Variants in NTM observed in about 807,000 individuals in gnomAD.
NTM encodes the protein IgLON family member 2.
NTM carries 13 observed loss-of-function variants against 42.1 expected under a neutral mutation model. The ratio of observed to expected loss-of-function variants is 0.31; its 90% CI spans 0.20 to 0.49. NTM has a LOEUF of 0.49. NTM is among the 20% of genes least tolerant of loss of function. The pLI, the probability that NTM is intolerant of heterozygous loss-of-function variation, is 0.99. For missense variants in NTM, 373 were observed against 452.8 expected, an observed-to-expected ratio of 0.82 and a Z score of 1.60; for synonymous variants, 187 against 179.2, an observed-to-expected ratio of 1.04 and a Z score of -0.35.
intron 1 of NTM, among the ~76,000 whole-genome samples, chr11:131,430,781 G>A (rs970476090): frequency 9.2e-5 from 14 of 152,182 alleles, no homozygotes; most frequent in Non-Finnish European, 2.1e-4. Flanking sequence ...CTCTGTTGGA[G>A]GGTCTCCCTG....
intron 2 of NTM, among the ~76,000 whole-genome samples, chr11:132,025,903 A>G (rs1452377468): frequency 2.6e-5 from 4 of 152,156 alleles, no homozygotes; most frequent in African/African-American, 9.7e-5. Context: ...GCAACCTCCC[A>G]GCTTTGCATA....
intron 1 of NTM, among the ~76,000 whole-genome samples, chr11:131,599,527 G>A (rs1321790198): frequency 6.6e-6 from 1 of 152,210 alleles, no homozygotes; most frequent in Non-Finnish European, 1.5e-5. Flanking sequence ...GTTAACAGCT[G>A]CTTTAGAGAG....
At chr11:131,504,514 AC>A (rs1336505871) in intron 1 of NTM, among the ~76,000 whole-genome samples, 1 of 152,084 alleles carries the variant, frequency 6.6e-6, no homozygotes, top group Non-Finnish European at 1.5e-5. Flanking sequence ...AGCACACCAT[AC>A]CACCCGTTTC....
chr11:132,209,205 C>A (rs368069897), intron 3 of NTM, among the ~76,000 whole-genome samples: 71 of 152,358 alleles, frequency 4.7e-4, no homozygotes, highest in African/African-American at 1.5e-3. Flanking sequence ...AATGCTCAGT[C>A]ATTAACTCAT....
chr11:132,150,041 C>T (rs1035804336), intron 3 of NTM, among the ~76,000 whole-genome samples: 63 of 152,278 alleles, frequency 4.1e-4, no homozygotes, highest in African/African-American at 1.5e-3. Flanking sequence ...GTTTATTTGG[C>T]TCATGGTTCT....
chr11:131,569,611 T>A (rs2057262613), intron 1 of NTM, among the ~76,000 whole-genome samples: 1 of 148,190 alleles, frequency 6.7e-6, no homozygotes, highest in Admixed American at 6.8e-5. Context: ...AGGGTTTTAC[T>A]CTGTTGCCCA....
chr11:132,018,773 G>A (rs964089479), intron 2 of NTM, among the ~76,000 whole-genome samples: 3 of 151,914 alleles, frequency 2.0e-5, no homozygotes, highest in African/African-American at 7.2e-5. Flanking sequence ...CTATATTTTG[G>A]AAGAGTTTGT....
chr11:131,471,851 C>T, intron 1 of NTM, among the ~76,000 whole-genome samples: 1 of 152,152 alleles, frequency 6.6e-6, no homozygotes, highest in East Asian at 1.9e-4. Flanking sequence ...TGTCTTTCCA[C>T]CCTGAGTGTT....
intron 1 of NTM, among the ~76,000 whole-genome samples, chr11:131,812,791 G>A (rs930887413): frequency 3.9e-5 from 6 of 152,150 alleles, no homozygotes; most frequent in African/African-American, 1.4e-4. Context: ...GAAGATGACT[G>A]CAAGGAAAGA....
intron 1 of NTM, among the ~76,000 whole-genome samples, chr11:131,587,585 A>G (rs1252639590): frequency 6.6e-6 from 1 of 152,250 alleles, no homozygotes; most frequent in Non-Finnish European, 1.5e-5. Flanking sequence ...TGAAAAATTG[A>G]TGAATAATAT....
intron 2 of NTM, among the ~76,000 whole-genome samples, chr11:132,057,515 C>T (rs1478385522): frequency 6.6e-6 from 1 of 152,134 alleles, no homozygotes; most frequent in Non-Finnish European, 1.5e-5. Context: ...TTTCCTACTC[C>T]TCCCAACATG....
At chr11:131,625,809 TCA>T (rs1387877138) in intron 1 of NTM, among the ~76,000 whole-genome samples, 1 of 152,174 alleles carries the variant, frequency 6.6e-6, no homozygotes, top group East Asian at 1.9e-4. Flanking sequence ...ATGAGTGAGA[TCA>T]CAGAGATTCT....
chr11:132,101,090 A>G (rs568144934), intron 2 of NTM, among the ~76,000 whole-genome samples: 2 of 152,312 alleles, frequency 1.3e-5, no homozygotes, highest in South Asian at 4.1e-4. Context: ...ATTGACTGAC[A>G]GCTTTTTATC....
At chr11:131,734,380 C>T (rs567360384) in intron 1 of NTM, among the ~76,000 whole-genome samples, 77 of 152,182 alleles carry the variant, frequency 5.1e-4, no homozygotes, top group Admixed American at 1.6e-3. Context: ...CATTTTTCTA[C>T]TTAGTGAGTC....
intron 1 of NTM, among the ~76,000 whole-genome samples, chr11:131,817,303 A>C (rs2092990525): frequency 6.6e-6 from 1 of 152,226 alleles, no homozygotes; most frequent in Non-Finnish European, 1.5e-5. Flanking sequence ...ACCTTAGGGC[A>C]TATACCTGAC....
At chr11:131,508,016 A>G (rs1212534102) in intron 1 of NTM, among the ~76,000 whole-genome samples, 3 of 151,946 alleles carry the variant, frequency 2.0e-5, no homozygotes, top group African/African-American at 7.3e-5. Flanking sequence ...AATGGCAACA[A>G]AAGCCAAAAT....
chr11:131,798,788 C>T (rs943073745), intron 1 of NTM, among the ~76,000 whole-genome samples: 1 of 152,140 alleles, frequency 6.6e-6, no homozygotes, highest in Non-Finnish European at 1.5e-5. Context: ...AACCTCCTTC[C>T]CTGTAGATGG....
At chr11:131,823,488 C>T (rs1052986430) in intron 1 of NTM, among the ~76,000 whole-genome samples, 4 of 152,156 alleles carry the variant, frequency 2.6e-5, no homozygotes, top group Non-Finnish European at 5.9e-5. Context: ...GCTATGAACC[C>T]TCTAGCTGAC....
chr11:132,069,679 A>G (rs1442910601), intron 2 of NTM, among the ~76,000 whole-genome samples: 1 of 149,646 alleles, frequency 6.7e-6, no homozygotes, highest in Non-Finnish European at 1.5e-5. Context: ...ACTGACCATC[A>G]CAGGTTAGTT....
Sources: gnomAD v4.1 joint callset for allele counts (sites outside exome capture counted in the v4.1 genomes callset) on GRCh38, gnomAD v4.1.1 for gene constraint, MANE v1.5 for transcripts, NCBI Gene and HGNC (gene_info 2026-07-23, HGNC 2026-07-21) for gene names.